C10orf90: variants seen among roughly 807,000 people sequenced by gnomAD.
C10orf90 encodes chromosome 10 open reading frame 90, also known as (E2-independent) E3 ubiquitin-conjugating enzyme FATS.
In C10orf90, 56 loss-of-function variants were observed where a neutral mutation model predicts 62.5. That is an observed-to-expected ratio of 0.90 (90% confidence interval 0.72 to 1.12). The LOEUF (loss-of-function observed/expected upper bound fraction) is 1.12. Among genes scored for constraint, C10orf90 ranks in the 50% most tolerant of loss-of-function variants. The pLI, the probability that C10orf90 is intolerant of heterozygous loss-of-function variation, is 0.00. For missense variants in C10orf90, 970 were observed against 880.4 expected, an observed-to-expected ratio of 1.10 and a Z score of -1.29; for synonymous variants, 386 against 340.4, an observed-to-expected ratio of 1.13 and a Z score of -1.47.
intron 2 of C10orf90, among the ~76,000 whole-genome samples, chr10:126,604,998 T>C (rs891765378): frequency 1.3e-5 from 2 of 152,190 alleles, no homozygotes; most frequent in Non-Finnish European, 2.9e-5. Flanking sequence ...AAGCCAAAAC[T>C]AGCCACAGAA....
intron 2 of C10orf90, among the ~76,000 whole-genome samples, chr10:126,604,338 T>C (rs1411745564): frequency 6.6e-6 from 1 of 152,218 alleles, no homozygotes; most frequent in Non-Finnish European, 1.5e-5. Context: ...AAAAAATGCC[T>C]GCAGGTAATT....
intron 7 of C10orf90, among the ~76,000 whole-genome samples, chr10:126,454,656 C>T (rs1859423700): frequency 6.6e-6 from 1 of 151,338 alleles, no homozygotes; most frequent in Non-Finnish European, 1.5e-5. Context: ...AGGTACTGTC[C>T]CCACTATGAC....
chr10:126,626,584 T>G (rs971684851), intron 2 of C10orf90, among the ~76,000 whole-genome samples: 1 of 152,228 alleles, frequency 6.6e-6, no homozygotes, highest in Non-Finnish European at 1.5e-5. Flanking sequence ...AAGGAAGCAT[T>G]ACTGCATCTT....
chr10:126,455,787 C>A (rs1275489388), intron 7 of C10orf90, among the ~76,000 whole-genome samples: 1 of 152,184 alleles, frequency 6.6e-6, no homozygotes, highest in East Asian at 1.9e-4. Context: ...AACAAGGAGT[C>A]CTAACCCTAA....
chr10:126,496,745 A>C (rs965964838), intron 4 of C10orf90: 122 of 978,724 alleles, frequency 1.2e-4, no homozygotes, highest in Non-Finnish European at 1.4e-4. Flanking sequence ...AGTTTGAGGA[A>C]GGAAACACAT....
chr10:126,582,060 G>A (rs547639823), intron 2 of C10orf90, among the ~76,000 whole-genome samples: 42 of 152,252 alleles, frequency 2.8e-4, no homozygotes, highest in African/African-American at 7.9e-4. Context: ...GCATATTCCC[G>A]GCATCCACAG....
At chr10:126,659,258 G>A (rs549985050) in intron 1 of C10orf90, among the ~76,000 whole-genome samples, 1 of 152,308 alleles carries the variant, frequency 6.6e-6, no homozygotes, top group East Asian at 1.9e-4. Context: ...GCACTGAGAA[G>A]CTGGCAGTTT....
At chr10:126,552,495 CAG>C (rs1219048763) in intron 2 of C10orf90, among the ~76,000 whole-genome samples, 2 of 152,204 alleles carry the variant, frequency 1.3e-5, no homozygotes, top group Non-Finnish European at 2.9e-5. Flanking sequence ...TCCTGCCAAA[CAG>C]AGAAGAACTG....
At chr10:126,432,925 T>C (rs1441625143) in intron 7 of C10orf90, among the ~76,000 whole-genome samples, 1 of 152,230 alleles carries the variant, frequency 6.6e-6, no homozygotes, top group Non-Finnish European at 1.5e-5. Context: ...GTAAGAGAGT[T>C]GGAGAGCCAT....
chr10:126,597,042 T>G (rs1219093771), intron 2 of C10orf90, among the ~76,000 whole-genome samples: 2 of 152,240 alleles, frequency 1.3e-5, no homozygotes, highest in Non-Finnish European at 2.9e-5. Context: ...CTAAAAATGC[T>G]GACAATATCA....
chr10:126,467,666 C>T (rs890233614), intron 4 of C10orf90, among the ~76,000 whole-genome samples: 11 of 152,214 alleles, frequency 7.2e-5, no homozygotes, highest in Middle Eastern at 3.4e-3. Context: ...AGAAACATTC[C>T]CCATATCCCC....
In C10orf90 at chr10:126,442,633, G is replaced by GTATATA. The variant is rs56368633; in HGVS notation, c.2189-12789_2189-12784dup. ...AGTTCCCTACTATTATTGTGTGTGT[G>GTATATA]TATATATATATATATATATATATAT... On this transcript the variant is annotated intron_variant, in intron 7 of 9. Transcript: ENST00000488181. Among the ~76,000 whole-genome samples, 413 of 88,342 alleles carry GTATATA rather than the reference G, an allele frequency of 4.7e-3. 8 individuals carry two copies. Among genetic ancestry groups the GTATATA allele is most frequent in the South Asian group, 7.4e-3 (18 of 2,436 alleles). The allele number at this position is 88,342 out of a possible 152,430, so 58.0% of individuals were successfully genotyped here. A position where few individuals can be genotyped will look rare whatever the true frequency, so the allele number is the denominator to read the frequency against.
chr10:126,631,395 C>G (rs574427177), intron 2 of C10orf90, among the ~76,000 whole-genome samples: 3 of 152,314 alleles, frequency 2.0e-5, no homozygotes, highest in African/African-American at 7.2e-5. Context: ...CTCCTGGAGA[C>G]AGCTGCCCCT....
intron 7 of C10orf90, among the ~76,000 whole-genome samples, chr10:126,432,152 G>A (rs2133990658): frequency 6.6e-6 from 1 of 152,320 alleles, no homozygotes; most frequent in East Asian, 1.9e-4. Context: ...GAGACATGAG[G>A]AAGTGGTTTG....
chr10:126,549,373 G>T (rs2133975651), intron 2 of C10orf90, among the ~76,000 whole-genome samples: 1 of 152,286 alleles, frequency 6.6e-6, no homozygotes, highest in African/African-American at 2.4e-5. Flanking sequence ...ACATTTCACT[G>T]AAGAGGAAAC....
At chr10:126,501,569 G>A (rs1196289235) in intron 4 of C10orf90, among the ~76,000 whole-genome samples, 2 of 152,046 alleles carry the variant, frequency 1.3e-5, no homozygotes, top group African/African-American at 2.4e-5. Context: ...TAAGCTTGAT[G>A]GGACCTCGAA....
intron 2 of C10orf90, among the ~76,000 whole-genome samples, chr10:126,604,900 G>T (rs142805968): frequency 6.6e-6 from 1 of 152,168 alleles, no homozygotes. Flanking sequence ...CTTGGGATTT[G>T]GTCATGTAGT....
At chr10:126,509,634 A>G (rs1862975511) in intron 3 of C10orf90, among the ~76,000 whole-genome samples, 1 of 152,210 alleles carries the variant, frequency 6.6e-6, no homozygotes, top group African/African-American at 2.4e-5. Flanking sequence ...TTGGGCACCT[A>G]CTATGAGCCA....
chr10:126,506,715 G>A (rs552718942), intron 3 of C10orf90, among the ~76,000 whole-genome samples: 1 of 152,340 alleles, frequency 6.6e-6, no homozygotes, highest in Non-Finnish European at 1.5e-5. Context: ...GAGGCTGCTG[G>A]TCTTCTCAAG....
Sources: allele counts gnomAD v4.1 joint callset (sites outside exome capture counted in the v4.1 genomes callset), GRCh38; gene constraint gnomAD v4.1.1; transcripts MANE v1.5; gene names NCBI Gene and HGNC (gene_info 2026-07-23, HGNC 2026-07-21).